SAMD3: variants seen among roughly 807,000 people sequenced by gnomAD.
SAMD3 encodes sterile alpha motif domain containing 3.
A neutral mutation model predicts 58.5 loss-of-function variants in SAMD3; 63 were observed. The observed-to-expected ratio is 1.08, with a 90% CI of 0.88 to 1.33. SAMD3 has a LOEUF of 1.33. Ranked by LOEUF, SAMD3 falls within the 40% of genes most tolerant of loss-of-function variation. The pLI, the probability that SAMD3 is intolerant of heterozygous loss-of-function variation, is 0.00. For missense variants in SAMD3, 604 were observed against 608.4 expected, an observed-to-expected ratio of 0.99 and a Z score of 0.08; for synonymous variants, 220 against 210.3, an observed-to-expected ratio of 1.05 and a Z score of -0.40.
At chr6:130,272,411 C>G (rs1165777517) in intron 2 of SAMD3, among the ~76,000 whole-genome samples, 3 of 152,088 alleles carry the variant, frequency 2.0e-5, no homozygotes, top group Non-Finnish European at 4.4e-5. Context: ...ACTTATTTAT[C>G]TATTTATTAT....
intron 2 of SAMD3, among the ~76,000 whole-genome samples, chr6:130,232,434 C>T (rs187739213): frequency 9.9e-5 from 15 of 152,242 alleles, no homozygotes; most frequent in African/African-American, 3.4e-4. Flanking sequence ...TTTTTCTGCT[C>T]CTTTCCTAGT....
rs143479926 is a variant in SAMD3, at chr6:130,286,571, G to A, written c.-188+26407C>T. ...TTTGTGGAAACTGTTCTCTAGGTAT[G>A]TACCCTTGGCCTACTCATTGAAAAT... On this transcript the variant is annotated intron_variant, in intron 2 of 13. Transcript: ENST00000368134. Among the ~76,000 whole-genome samples, 1,077 of 152,152 alleles carry A rather than the reference G, an allele frequency of 7.1e-3. 11 individuals carry two copies. The highest frequency in any genetic ancestry group is 0.017 in the Middle Eastern group (5 of 294).
intron 2 of SAMD3, chr6:130,215,901 G>C: frequency 2.1e-6 from 3 of 1,409,960 alleles, no homozygotes; most frequent in Non-Finnish European, 2.9e-6. Context: ...TGGAGAATCT[G>C]AATGTTTCTG....
intron 5 of SAMD3, among the ~76,000 whole-genome samples, chr6:130,194,069 A>G (rs1024938790): frequency 2.0e-5 from 3 of 151,888 alleles, no homozygotes; most frequent in African/African-American, 7.3e-5. Context: ...CCTCCACTCT[A>G]TAATCTTTTT....
In SAMD3 at chr6:130,144,595, G is replaced by A. The variant is rs745443911; in HGVS notation, c.1488C>T (p.Phe496=). 19 of 1,613,884 alleles carry A rather than the reference G, an allele frequency of 1.2e-5. No individual in the cohort carries two copies. Among genetic ancestry groups the A allele is most frequent in the Middle Eastern group, 1.6e-4 (1 of 6,084 alleles). ...QTFNFLETLI[F]DMHSPYFPSL... is the part of the protein sequence containing the mutation. ...AAGGAAAATAAGGACTGTGCATATC[G>A]AAAATCAGCGTTTCTAGGAAGTTGA... Residue 496 remains phenylalanine (F), a synonymous_variant, in exon 12 of 12, where the codon TTC becomes TTT. Transcript: ENST00000439090.
upstream of SAMD3, chr6:130,365,709 G>A: frequency 2.0e-6 from 2 of 985,514 alleles, no homozygotes; most frequent in Non-Finnish European, 2.4e-6. Flanking sequence ...CCCGGGAAGA[G>A]CGCCTGCAAG....
intron 8 of SAMD3, among the ~76,000 whole-genome samples, chr6:130,158,423 C>T (rs75734383): frequency 0.014 from 2,051 of 150,778 alleles, 45 homozygotes; most frequent in African/African-American, 0.047. Context: ...GATGGCATCA[C>T]GAATCTGAGG....
intron 1 of SAMD3, among the ~76,000 whole-genome samples, chr6:130,328,421 G>T (rs894300601): frequency 3.3e-5 from 5 of 152,124 alleles, no homozygotes; most frequent in African/African-American, 1.2e-4. Flanking sequence ...CTCTTTCAGG[G>T]TTAAGATGCT....
chr6:130,178,587 C>T (rs1374101248), intron 7 of SAMD3, among the ~76,000 whole-genome samples: 1 of 152,162 alleles, frequency 6.6e-6, no homozygotes, highest in Non-Finnish European at 1.5e-5. Flanking sequence ...GTTTGTAAGT[C>T]CCAATGAGAG....
Position 130,204,546 on chromosome 6 carries a change from G to A in SAMD3, c.383+4949C>T, listed in dbSNP as rs554470606. Among the ~76,000 whole-genome samples the A allele has an allele frequency of 1.6e-3, 245 of 150,024 alleles. 2 individuals carry two copies. Among genetic ancestry groups the A allele is most frequent in the African/African-American group, 5.9e-3 (240 of 40,402 alleles). On this transcript the variant is annotated intron_variant, in intron 5 of 11. Coordinates refer to ENST00000439090, the MANE Select transcript of SAMD3 (RefSeq NM_001017373.4). ...TGGGAAGTGGAGATTGCAATGAGCTGAGATAGCGCCACTGCACTCCAGCCT... is the reference window on the plus strand; with the variant it reads ...TGGGAAGTGGAGATTGCAATGAGCTAAGATAGCGCCACTGCACTCCAGCCT...
chr6:130,314,362 TA>T (rs2114992332), intron 1 of SAMD3, among the ~76,000 whole-genome samples: 1 of 152,290 alleles, frequency 6.6e-6, no homozygotes, highest in East Asian at 1.9e-4. Context: ...AGACAGTATT[TA>T]TAAAAACCCA....
chr6:130,348,825 G>A (rs1388445891), intron 1 of SAMD3, among the ~76,000 whole-genome samples: 6 of 152,072 alleles, frequency 3.9e-5, no homozygotes, highest in Non-Finnish European at 8.8e-5. Context: ...CACATAGTTG[G>A]AAGTAAAGCA....
chr6:130,188,348 G>C (rs756829774), intron 5 of SAMD3, among the ~76,000 whole-genome samples: 3 of 152,214 alleles, frequency 2.0e-5, no homozygotes, highest in African/African-American at 7.2e-5. Context: ...TGTTACATGA[G>C]GGCGGGGACT....
At chr6:130,330,594 T>C (rs1316609383) in intron 1 of SAMD3, among the ~76,000 whole-genome samples, 1 of 152,182 alleles carries the variant, frequency 6.6e-6, no homozygotes, top group African/African-American at 2.4e-5. Context: ...CATTTTAATA[T>C]CTTACTGAGG....
At chr6:130,204,614 A>AG (rs1158640093) in intron 5 of SAMD3, among the ~76,000 whole-genome samples, 1 of 151,382 alleles carries the variant, frequency 6.6e-6, no homozygotes, top group African/African-American at 2.4e-5. Context: ...GAAAAAAAAA[A>AG]GCACGGTATC....
intron 2 of SAMD3, chr6:130,286,191 G>A (rs1775146193): frequency 6.6e-6 from 1 of 152,226 alleles, no homozygotes; most frequent in African/African-American, 2.4e-5. Flanking sequence ...TTTCTTCCAT[G>A]CTATGCCGTG....
At chr6:130,208,507 G>A (rs1322050876) in intron 5 of SAMD3, among the ~76,000 whole-genome samples, 1 of 152,092 alleles carries the variant, frequency 6.6e-6, no homozygotes, top group Non-Finnish European at 1.5e-5. Flanking sequence ...ATTACCACCT[G>A]AGCTCCGCCT....
At chr6:130,256,161 CT>C (rs1230432897) in intron 2 of SAMD3, among the ~76,000 whole-genome samples, 1 of 151,286 alleles carries the variant, frequency 6.6e-6, no homozygotes, top group Non-Finnish European at 1.5e-5. Context: ...AAGATGCACA[CT>C]GGAAAGATAG....
chr6:130,361,092 G>A (rs1777973924), intron 1 of SAMD3, among the ~76,000 whole-genome samples: 1 of 151,936 alleles, frequency 6.6e-6, no homozygotes, highest in African/African-American at 2.4e-5. Context: ...AGGGTCCTGA[G>A]GCAACATATA....
Sources: allele counts gnomAD v4.1 joint callset (sites outside exome capture counted in the v4.1 genomes callset), GRCh38; gene constraint gnomAD v4.1.1; transcripts MANE v1.5; gene names NCBI Gene and HGNC (gene_info 2026-07-23, HGNC 2026-07-21).